Variants in SOX13 observed in about 807,000 individuals in gnomAD.
SOX13 encodes transcription factor SOX-13.
In SOX13, 28 loss-of-function variants were observed where a neutral mutation model predicts 71.8. That is an observed-to-expected ratio of 0.39 (90% CI 0.29 to 0.53). The LOEUF (loss-of-function observed/expected upper bound fraction) is 0.53, where lower values mean the gene tolerates loss of function less well. SOX13 is among the 20% of genes least tolerant of loss of function. The pLI is 0.70. For synonymous variants in SOX13, 309 were observed against 317.8 expected (o/e 0.97, Z 0.29); for missense variants, 627 against 810.3 (o/e 0.77, Z 2.75).
intron 1 of SOX13, among the ~76,000 whole-genome samples, chr1:204,088,584 TCTCA>T (rs1656071527): frequency 6.6e-6 from 1 of 152,198 alleles, no homozygotes; most frequent in East Asian, 1.9e-4. Flanking sequence ...GTCTGTGCCT[TCTCA>T]CTCCTGTCCC....
At chr1:204,113,429 G>T (rs534066108) in intron 2 of SOX13, among the ~76,000 whole-genome samples, 1 of 152,264 alleles carries the variant, frequency 6.6e-6, no homozygotes, top group South Asian at 2.1e-4. Flanking sequence ...TGGGGAGATG[G>T]GACACACATG....
At position 204,123,566 on chromosome 1, in the gene SOX13, CCTG is replaced by C; in HGVS notation, c.1232-91_1232-89del. ...TGCTGTGGGAGCCTCCTCAGTGCCT[CCTG>C]CTGGTCAAGTAGGGGACGTCTCTCT... On this transcript the variant is annotated intron_variant, in intron 11 of 13. Transcript: ENST00000367204. The surrounding 1 kb of genome is among the most constrained non-coding windows in gnomAD (Gnocchi z 5.0). 1 of 1,392,800 alleles carries C rather than the reference CCTG, an allele frequency of 7.2e-7. No homozygotes were observed. Among genetic ancestry groups the C allele is most frequent in the Non-Finnish European group, 9.8e-7 (1 of 1,025,310 alleles). 86.3% of individuals were successfully genotyped at this position (1,392,800 alleles called of 1,614,324 possible). A position where few individuals can be genotyped will look rare whatever the true frequency, so the allele number is the denominator to read the frequency against.
chr1:204,083,064 G>A (rs981882064), intron 1 of SOX13, among the ~76,000 whole-genome samples: 1 of 152,164 alleles, frequency 6.6e-6, no homozygotes, highest in Non-Finnish European at 1.5e-5. Flanking sequence ...CACCATGGTG[G>A]CACCCTCCAT....
At chr1:204,094,470 C>T (rs573987983) in intron 1 of SOX13, among the ~76,000 whole-genome samples, 1 of 152,148 alleles carries the variant, frequency 6.6e-6, no homozygotes, top group South Asian at 2.1e-4. Context: ...CTTCAGTGAC[C>T]CCATTGTTGA....
chr1:204,087,979 C>A (rs866655458), intron 1 of SOX13, among the ~76,000 whole-genome samples: 41 of 152,170 alleles, frequency 2.7e-4, no homozygotes, highest in African/African-American at 9.2e-4. Context: ...GTATGTCTGA[C>A]TCTGTTCAGA....
In SOX13 at chr1:204,127,490, C is replaced by G. The variant is rs1163248168; in HGVS notation, c.*1356C>G. On this transcript the variant is annotated 3_prime_UTR_variant, in exon 14 of 14. Coordinates refer to ENST00000367204, the MANE Select transcript of SOX13 (RefSeq NM_005686.3). Reference sequence around the variant, plus strand: ...CCTAACTCTGAAGATCTAAATAGCCCTTGGATCAGTATGGGAACCCCAAAT... The same window carrying G: ...CCTAACTCTGAAGATCTAAATAGCCGTTGGATCAGTATGGGAACCCCAAAT... The G allele has an allele frequency of 6.6e-6, 1 of 152,616 alleles. No individual in the cohort carries two copies. Among genetic ancestry groups the G allele is most frequent in the Non-Finnish European group, 1.5e-5 (1 of 68,054 alleles). 9.5% of individuals were successfully genotyped at this position (152,616 alleles called of 1,614,324 possible).
intron 1 of SOX13, among the ~76,000 whole-genome samples, chr1:204,100,636 G>GGC (rs745685366): frequency 3.3e-5 from 5 of 152,192 alleles, no homozygotes; most frequent in Non-Finnish European, 7.3e-5. Flanking sequence ...TTGCTTTAGT[G>GGC]GCGGGCTTGG....
In SOX13 at chr1:204,126,302, C is replaced by T. The variant is rs186043933; in HGVS notation, c.*168C>T. 9.4e-6 allele frequency: 7 copies of T among 742,070 alleles called. No individual in the cohort carries two copies. The highest frequency in any genetic ancestry group is 3.5e-5 in the African/African-American group (2 of 56,948). 46.0% of individuals were successfully genotyped at this position (742,070 alleles called of 1,614,324 possible). A position where few individuals can be genotyped will look rare whatever the true frequency, so the allele number is the denominator to read the frequency against. On this transcript the variant is annotated 3_prime_UTR_variant, in exon 14 of 14. Transcript: ENST00000367204. ...ACATTCATGAGGGGAGAGGCGCCCTCCCTTCCTGAGGAGCTGTTGGCCTGG... is the reference window on the plus strand; with the variant it reads ...ACATTCATGAGGGGAGAGGCGCCCTTCCTTCCTGAGGAGCTGTTGGCCTGG...
chr1:204,096,385 T>C (rs1656253284), intron 1 of SOX13, among the ~76,000 whole-genome samples: 3 of 151,516 alleles, frequency 2.0e-5, no homozygotes, highest in Admixed American at 2.0e-4. Flanking sequence ...GACCACAGTG[T>C]ATGCCACCAT....
intron 1 of SOX13, among the ~76,000 whole-genome samples, chr1:204,111,835 A>C (rs1456735108): frequency 2.0e-5 from 3 of 152,034 alleles, no homozygotes; most frequent in African/African-American, 7.3e-5. Context: ...ATGAACCACC[A>C]TACCCGGCTA....
intron 1 of SOX13, among the ~76,000 whole-genome samples, chr1:204,106,370 G>A (rs981712561): frequency 6.6e-6 from 1 of 152,140 alleles, no homozygotes; most frequent in Non-Finnish European, 1.5e-5. Flanking sequence ...CCTGCTTTGT[G>A]CTGTGCTGCT....
Position 204,081,331 on chromosome 1 carries a change from A to G in SOX13, c.-2+7620A>G, listed in dbSNP as rs1191951359. Among the ~76,000 whole-genome samples the G allele has an allele frequency of 6.6e-6, 1 of 152,246 alleles. No individual in the cohort carries two copies. The highest frequency in any genetic ancestry group is 1.5e-5 in the Non-Finnish European group (1 of 68,046). ...GTCATCAGGATGAAAAGGATTTAAA[A>G]TAAATCTAATATTTCCAGATAGTGA... is the stretch of plus-strand genomic sequence containing the variant. On this transcript the variant is annotated intron_variant, in intron 1 of 13. Transcript: ENST00000367204. This position sits in a 1 kb window ranked among gnomAD's most constrained non-coding sequence, Gnocchi z 4.3.
chr1:204,104,889 A>C (rs1656432869), intron 1 of SOX13, among the ~76,000 whole-genome samples: 1 of 151,616 alleles, frequency 6.6e-6, no homozygotes, highest in Non-Finnish European at 1.5e-5. Flanking sequence ...AAGGACTGAC[A>C]GTAAAAACTC....
chr1:204,103,477 A>C (rs1656399900), intron 1 of SOX13, among the ~76,000 whole-genome samples: 2 of 152,212 alleles, frequency 1.3e-5, no homozygotes. Context: ...TAGTCTTTGT[A>C]GTGTTCTTGT....
Position 204,124,674 on chromosome 1 carries a change from A to G in SOX13, c.1409A>G (p.Lys470Arg), listed in dbSNP as rs750334109. Reference sequence around the variant, plus strand: ...TGGAAGTCCATGACCAACCAGGAGAAGCAGCCCTACTATGAGGAACAGGCG... The same window carrying G: ...TGGAAGTCCATGACCAACCAGGAGAGGCAGCCCTACTATGAGGAACAGGCG... ...SRWKSMTNQE[K>R]QPYYEEQARL... The change falls in exon 13 of 14, where the codon AAG becomes AGG. Residue 470 changes from lysine to arginine, a missense_variant. By Grantham distance (26) the Lys-to-Arg change is conservative. This residue lies in a region of SOX13 where 32 missense variants were observed against 85.4 expected (regional missense o/e 0.37). Coordinates refer to ENST00000367204, the MANE Select transcript of SOX13 (RefSeq NM_005686.3). 2 of 1,613,366 alleles carry G rather than the reference A, an allele frequency of 1.2e-6. No homozygotes were observed. The highest frequency in any genetic ancestry group is 1.3e-5 in the African/African-American group (1 of 75,072).
intron 7 of SOX13, among the ~76,000 whole-genome samples, chr1:204,120,709 C>T (rs1656785562): frequency 1.3e-5 from 2 of 152,212 alleles, no homozygotes; most frequent in Admixed American, 6.5e-5. Flanking sequence ...CTCTAGTTAC[C>T]CCAGCTGGAG....
At position 204,116,244 on chromosome 1, in the gene SOX13, C is replaced by T. The variant is rs1003742889; in HGVS notation, c.419-263C>T. 1.5e-5 allele frequency: 21 copies of T among 1,434,952 alleles called. No homozygotes were observed. In the African/African-American group the frequency reaches 2.8e-4, roughly 19 times the overall value. 88.9% of individuals were successfully genotyped at this position (1,434,952 alleles called of 1,614,324 possible). On this transcript the variant is annotated intron_variant, in intron 4 of 13. Transcript: ENST00000367204. ...AAGAGGCCTGGGGCTCTGGGGCTGA[C>T]ATGTCCCACTGTCAGCATTTTCAGG...
chr1:204,116,562 G>A lies in SOX13; in HGVS notation c.474G>A (p.Gln158=). 6.2e-7 allele frequency: 1 copy of A among 1,614,054 alleles called. No homozygotes were observed. The highest frequency in any genetic ancestry group is 1.7e-5 in the Admixed American group (1 of 60,030). Residue 158 remains glutamine (Q), a synonymous_variant, in exon 5 of 14, where the codon CAG becomes CAA. Transcript: ENST00000367204. ...KELQLLVMIH[Q]LSTLRDQLLT... ...TCCAGCTTCTGGTCATGATTCACCA[G>A]CTGTCCACCCTGCGGGACCAGCTCC...
At chr1:204,083,563 G>C (rs1655953462) in intron 1 of SOX13, among the ~76,000 whole-genome samples, 1 of 152,196 alleles carries the variant, frequency 6.6e-6, no homozygotes, top group Admixed American at 6.5e-5. Context: ...TACCAATCTA[G>C]GTGTGTGGAC....
Sources: gnomAD v4.1 joint callset for allele counts (sites outside exome capture counted in the v4.1 genomes callset) on GRCh38, gnomAD v4.1.1 for gene constraint, gnomAD v4.1.1 regional missense constraint, Gnocchi (gnomAD v3.1) non-coding constraint, MANE v1.5 for transcripts, NCBI Gene and HGNC (gene_info 2026-07-23, HGNC 2026-07-21) for gene names.